Variants in RECK observed in about 807,000 individuals in gnomAD.
The protein encoded by RECK is reversion inducing cysteine rich protein with kazal motifs.
Under a neutral mutation model 115.1 loss-of-function variants are expected in RECK, and 69 were observed. The ratio of observed to expected loss-of-function variants is 0.60; its 90% CI spans 0.49 to 0.73. The LOEUF (loss-of-function observed/expected upper bound fraction) is 0.73, where lower values mean the gene tolerates loss of function less well. Ranked by LOEUF, RECK falls within the 30% of genes least tolerant of loss-of-function variation. RECK has a pLI of 0.00. For synonymous variants in RECK, 414 were observed against 419.7 expected (o/e 0.99, Z 0.17); for missense variants, 1,047 against 1,203.7 (o/e 0.87, Z 1.93).
At chr9:36,105,349 T>G in intron 13 of RECK, 66 bp downstream of exon 13, 1 of 1,543,310 alleles carries the variant, frequency 6.5e-7, no homozygotes, top group East Asian at 2.3e-5. Context: ...ATAGGAGCTA[T>G]CTTTCTTTTT....
In RECK at chr9:36,065,610, A is replaced by G. The variant is rs1018245913; in HGVS notation, c.391A>G (p.Arg131Gly). ...SSKNDISKVC[R>G]KEYENALFSC... ...AAAGAATGATATTTCCAAAGTTTGCAGAAAAGAATATGAGGTATGCATTTT... is the reference window on the plus strand; with the variant it reads ...AAAGAATGATATTTCCAAAGTTTGCGGAAAAGAATATGAGGTATGCATTTT... The change falls in exon 6 of 21, where the codon AGA (arginine) becomes GGA (glycine). Residue 131 changes from arginine (R) to glycine (G), a missense_variant. Transcript: ENST00000377966. 1 of 1,585,198 alleles carries G rather than the reference A, an allele frequency of 6.3e-7. No homozygotes were observed.
chr9:36,105,782 G>A (rs1014835793), intron 13 of RECK, among the ~76,000 whole-genome samples: 7 of 152,092 alleles, frequency 4.6e-5, no homozygotes, highest in East Asian at 1.9e-4. Flanking sequence ...TAACTTTAAG[G>A]GTGAAGGATT....
At chr9:36,081,605 A>G (rs61587746) in intron 7 of RECK, among the ~76,000 whole-genome samples, 13,930 of 152,120 alleles carry the variant, frequency 0.092, 780 homozygotes, top group East Asian at 0.3. Flanking sequence ...AGGCAGAGAC[A>G]GGTGGATCAC....
chr9:36,105,233 G>T lies in RECK; in HGVS notation c.1526G>T (p.Arg509Leu). The change falls in exon 13 of 21, where the codon CGA becomes CTA. Residue 509 changes from arginine to leucine, a missense_variant. Arg to Leu is a moderately radical substitution (Grantham distance 102). Coordinates refer to ENST00000377966, the MANE Select transcript of RECK (RefSeq NM_021111.3). ...CPANELCEVN[R>L]KGCPSGDPCL... ...GCCAATGAGCTCTGTGAAGTAAACC[G>T]AAAAGGATGTCCATCTGGAGATCCC... 2 of 1,614,036 alleles carry T rather than the reference G, an allele frequency of 1.2e-6. No homozygotes were observed. Among genetic ancestry groups the T allele is most frequent in the Non-Finnish European group, 1.7e-6 (2 of 1,179,910 alleles).
chr9:36,080,752 T>C, intron 7 of RECK, 114 bp downstream of exon 7: 1 of 868,384 alleles, frequency 1.2e-6, no homozygotes, highest in South Asian at 1.6e-5. Context: ...TTTAGGTCAT[T>C]CATGTATTAT....
chr9:36,103,145 A>G (rs1408334296), intron 12 of RECK, among the ~76,000 whole-genome samples: 1 of 152,166 alleles, frequency 6.6e-6, no homozygotes, highest in Non-Finnish European at 1.5e-5. Context: ...CCAGGGGATG[A>G]CAAGTAGAAC....
intron 10 of RECK, among the ~76,000 whole-genome samples, chr9:36,093,654 G>A (rs533315801): frequency 6.9e-6 from 1 of 144,888 alleles, no homozygotes; most frequent in East Asian, 1.9e-4. Flanking sequence ...TAACCCAGAA[G>A]GAAAGGAAAG....
At chr9:36,044,722 A>G (rs747731524) in intron 1 of RECK, among the ~76,000 whole-genome samples, 21 of 152,348 alleles carry the variant, frequency 1.4e-4, no homozygotes, top group Middle Eastern at 3.4e-3. Context: ...AAGGCTTACT[A>G]AGAATTAAGA....
intron 10 of RECK, among the ~76,000 whole-genome samples, chr9:36,092,542 A>ATTTTTTTT (rs71508011): frequency 4.3e-5 from 5 of 117,044 alleles, no homozygotes; most frequent in Admixed American, 9.5e-5. Context: ...CACCCAGCTA[A>ATTTTTTTT]TTTTTTTTTT....
At chr9:36,106,130 A>G (rs1587078216) in intron 13 of RECK, among the ~76,000 whole-genome samples, 1 of 150,454 alleles carries the variant, frequency 6.6e-6, no homozygotes, top group Non-Finnish European at 1.5e-5. Context: ...GAATGGCGTG[A>G]ACCCGGGAGG....
rs1033190552 is a variant in RECK at position 36,122,807 on chromosome 9, C to T, written c.2695-17C>T. ...TTCTGTGGTTTTATATTAAGGGAAC[C>T]TTGTTTCTCCTCACAGATTGAAGCC... On this transcript the variant is annotated splice_polypyrimidine_tract_variant and intron_variant, in intron 20 of 20. Coordinates refer to ENST00000377966, the MANE Select transcript of RECK (RefSeq NM_021111.3). 6.2e-7 allele frequency: 1 copy of T among 1,604,668 alleles called. No homozygotes were observed. Among genetic ancestry groups the T allele is most frequent in the Non-Finnish European group, 8.5e-7 (1 of 1,172,316 alleles).
chr9:36,116,028 A>C (rs376570425), intron 16 of RECK, among the ~76,000 whole-genome samples: 5 of 152,092 alleles, frequency 3.3e-5, no homozygotes, highest in East Asian at 1.9e-4. Flanking sequence ...GACCAGCTTC[A>C]TGGTGGCATT....
intron 4 of RECK, among the ~76,000 whole-genome samples, chr9:36,062,665 A>T (rs552000272): frequency 6.6e-6 from 1 of 151,222 alleles, no homozygotes; most frequent in Non-Finnish European, 1.5e-5. Flanking sequence ...TTTAGTAGAG[A>T]TGGGGGTTCA....
At position 36,082,152 on chromosome 9, in the gene RECK, TTCTCTCTCTCTC is replaced by T. The variant is rs71508008; in HGVS notation, c.440-1188_440-1177del. Among the ~76,000 whole-genome samples the T allele has an allele frequency of 1.7e-4, 19 of 113,714 alleles. No homozygotes were observed. The East Asian group carries it at 2.3e-3, about 14-fold the overall frequency. The allele number at this position is 113,714 out of a possible 152,430, so 74.6% of individuals were successfully genotyped here. The stretch of plus-strand genomic sequence containing the variant: ...AATTATCAAGAATTTCCTCCCTGCT[TTCTCTCTCTCTC>T]TCTCTCTCTCTCTCTCTCTCTCTCC... On this transcript the variant is annotated intron_variant, in intron 7 of 20. Transcript: ENST00000377966.
At chr9:36,052,431 A>G (rs1052011594) in intron 2 of RECK, 108 bp downstream of exon 2, 13 of 685,370 alleles carry the variant, frequency 1.9e-5, no homozygotes, top group Non-Finnish European at 3.4e-5. Context: ...CCAGGGGTTC[A>G]GGACCAGCCA....
chr9:36,079,975 G>A (rs1339910530), intron 6 of RECK, among the ~76,000 whole-genome samples: 1 of 152,046 alleles, frequency 6.6e-6, no homozygotes, highest in Non-Finnish European at 1.5e-5. Flanking sequence ...TACCTGGGGC[G>A]GGTCTCTTTT....
chr9:36,069,436 G>A (rs937325841), intron 6 of RECK, among the ~76,000 whole-genome samples: 13 of 146,368 alleles, frequency 8.9e-5, no homozygotes, highest in African/African-American at 3.4e-4. Context: ...AGCTACTCGG[G>A]AGGCTGAAGT....
intron 13 of RECK, among the ~76,000 whole-genome samples, chr9:36,107,749 G>A (rs1218805528): frequency 6.6e-6 from 1 of 152,034 alleles, no homozygotes; most frequent in African/African-American, 2.4e-5. Context: ...GTCACTTTGG[G>A]GTACAGATCT....
At chr9:36,078,092 A>G (rs376080621) in intron 6 of RECK, among the ~76,000 whole-genome samples, 3 of 152,260 alleles carry the variant, frequency 2.0e-5, no homozygotes, top group African/African-American at 4.8e-5. Context: ...ATGTAACTGA[A>G]TGGGCATGTC....
Sources: allele counts gnomAD v4.1 joint callset (sites outside exome capture counted in the v4.1 genomes callset), GRCh38; gene constraint gnomAD v4.1.1; transcripts MANE v1.5; gene names NCBI Gene and HGNC (gene_info 2026-07-23, HGNC 2026-07-21).